The following ARHGAP24 variants were observed in gnomAD, a reference collection of about 807,000 sequenced individuals.
ARHGAP24 encodes the protein Rho GTPase activating protein 24, also known as rho GTPase-activating protein 24.
ARHGAP24 carries 50 observed loss-of-function variants against 76.4 expected under a neutral mutation model. That is an observed-to-expected ratio of 0.65 (90% CI 0.52 to 0.83). ARHGAP24 has a LOEUF of 0.83. ARHGAP24 is among the 40% of genes least tolerant of loss of function. The pLI is 0.00. For synonymous variants in ARHGAP24, 345 were observed against 323.3 expected, an observed-to-expected ratio of 1.07 and a Z score of -0.72; for missense variants, 930 against 914.2, an observed-to-expected ratio of 1.02 and a Z score of -0.22.
chr4:85,526,746 T>C (rs1725017716), intron 1 of ARHGAP24, among the ~76,000 whole-genome samples: 1 of 152,168 alleles, frequency 6.6e-6, no homozygotes, highest in Non-Finnish European at 1.5e-5. Flanking sequence ...ACTTCAATTA[T>C]TGAATACCTG....
chr4:85,827,518 T>TGTGTGTA (rs1368669294), intron 3 of ARHGAP24, among the ~76,000 whole-genome samples: 1 of 57,932 alleles, frequency 1.7e-5, no homozygotes, highest in Admixed American at 1.7e-4. Context: ...GTGTGTGTGT[T>TGTGTGTA]TAGAGAGAGA....
At chr4:85,560,726 T>C (rs1267174865) in intron 1 of ARHGAP24, among the ~76,000 whole-genome samples, 1 of 152,230 alleles carries the variant, frequency 6.6e-6, no homozygotes, top group African/African-American at 2.4e-5. Context: ...ATGTTTATTT[T>C]TAACTCAAAT....
At chr4:85,658,820 C>T (rs1038175240) in intron 2 of ARHGAP24, among the ~76,000 whole-genome samples, 1 of 152,086 alleles carries the variant, frequency 6.6e-6, no homozygotes, top group Non-Finnish European at 1.5e-5. Flanking sequence ...AATGTGGAAG[C>T]AAGGAGACAG....
At chr4:85,629,999 A>G (rs1167330906) in intron 2 of ARHGAP24, among the ~76,000 whole-genome samples, 2 of 152,030 alleles carry the variant, frequency 1.3e-5, no homozygotes, top group African/African-American at 4.8e-5. Flanking sequence ...ATGATGATTC[A>G]TAAGTCTCAT....
At chr4:85,538,348 T>C (rs1331419258) in intron 1 of ARHGAP24, among the ~76,000 whole-genome samples, 1 of 152,222 alleles carries the variant, frequency 6.6e-6, no homozygotes, top group Non-Finnish European at 1.5e-5. Context: ...TTGATTATTT[T>C]TATTTTACTA....
chr4:85,543,530 T>C (rs1034341937), intron 1 of ARHGAP24, among the ~76,000 whole-genome samples: 2 of 152,342 alleles, frequency 1.3e-5, no homozygotes, highest in East Asian at 1.9e-4. Context: ...CCAGGTTATT[T>C]AGCATTCTGT....
chr4:85,879,175 A>C (rs1177372955), intron 3 of ARHGAP24, among the ~76,000 whole-genome samples: 1 of 152,216 alleles, frequency 6.6e-6, no homozygotes, highest in Admixed American at 6.5e-5. Flanking sequence ...TGAAATTTCA[A>C]CATCATGATC....
At chr4:85,807,520 A>G (rs1199548720) in intron 3 of ARHGAP24, among the ~76,000 whole-genome samples, 2 of 152,158 alleles carry the variant, frequency 1.3e-5, no homozygotes, top group African/African-American at 4.8e-5. Flanking sequence ...TAAAGCTTCA[A>G]TCATACCCAT....
At chr4:85,901,451 C>T (rs1266532410) in intron 3 of ARHGAP24, among the ~76,000 whole-genome samples, 1 of 151,930 alleles carries the variant, frequency 6.6e-6, no homozygotes, top group East Asian at 1.9e-4. Context: ...TTGCCTACCA[C>T]ATAGTAGACC....
chr4:85,689,940 C>A (rs1189830520), intron 2 of ARHGAP24, among the ~76,000 whole-genome samples: 1 of 125,196 alleles, frequency 8.0e-6, no homozygotes, highest in Non-Finnish European at 1.6e-5. Context: ...TTGTCTTGTT[C>A]CACTTCTCAG....
At chr4:85,781,763 G>A (rs1199624038) in intron 3 of ARHGAP24, among the ~76,000 whole-genome samples, 1 of 152,088 alleles carries the variant, frequency 6.6e-6, no homozygotes, top group Non-Finnish European at 1.5e-5. Context: ...GCCAGGCATG[G>A]TGATTCACAC....
intron 3 of ARHGAP24, among the ~76,000 whole-genome samples, chr4:85,915,507 G>T (rs1735333260): frequency 6.6e-6 from 1 of 152,152 alleles, no homozygotes; most frequent in Admixed American, 6.5e-5. Context: ...TGCCATGGTG[G>T]TTTGCCGCAC....
chr4:85,801,025 G>A (rs1315184608), intron 3 of ARHGAP24, among the ~76,000 whole-genome samples: 4 of 152,048 alleles, frequency 2.6e-5, no homozygotes, highest in African/African-American at 9.7e-5. Flanking sequence ...AGCTTGGTAC[G>A]GCTCTAAGAT....
At chr4:85,608,823 G>T (rs1720292522) in intron 2 of ARHGAP24, among the ~76,000 whole-genome samples, 1 of 152,038 alleles carries the variant, frequency 6.6e-6, no homozygotes, top group Non-Finnish European at 1.5e-5. Flanking sequence ...GCCTCCCAAA[G>T]TGTTGGGATT....
intron 2 of ARHGAP24, among the ~76,000 whole-genome samples, chr4:85,666,565 G>A (rs1722627451): frequency 6.6e-6 from 1 of 152,188 alleles, no homozygotes; most frequent in African/African-American, 2.4e-5. Context: ...GAGGAGGAGA[G>A]GCACTCTGCT....
intron 1 of ARHGAP24, among the ~76,000 whole-genome samples, chr4:85,513,365 T>A (rs1370244141): frequency 6.6e-6 from 1 of 152,206 alleles, no homozygotes; most frequent in Non-Finnish European, 1.5e-5. Context: ...TTTGTCCACA[T>A]GGGGATTCCT....
chr4:85,857,939 T>G (rs1180391738), intron 3 of ARHGAP24, among the ~76,000 whole-genome samples: 1 of 152,206 alleles, frequency 6.6e-6, no homozygotes, highest in Non-Finnish European at 1.5e-5. Context: ...CCATGATGTA[T>G]TCTAATAATT....
At chr4:85,741,422 T>G (rs1295480825) in intron 3 of ARHGAP24, among the ~76,000 whole-genome samples, 1 of 152,220 alleles carries the variant, frequency 6.6e-6, no homozygotes, top group African/African-American at 2.4e-5. Flanking sequence ...TTCAGAAATA[T>G]CTCTAAAAGC....
intron 3 of ARHGAP24, among the ~76,000 whole-genome samples, chr4:85,842,094 G>T (rs897198287): frequency 6.6e-6 from 1 of 152,132 alleles, no homozygotes; most frequent in African/African-American, 2.4e-5. Flanking sequence ...TATAAAAGGG[G>T]ATAAATATTT....
Sources: gnomAD v4.1 joint callset for allele counts (sites outside exome capture counted in the v4.1 genomes callset) on GRCh38, gnomAD v4.1.1 for gene constraint, MANE v1.5 for transcripts, NCBI Gene and HGNC (gene_info 2026-07-23, HGNC 2026-07-21) for gene names.